The following C1QL2 variants were observed in gnomAD, a reference collection of about 807,000 sequenced individuals.
The protein encoded by C1QL2 is complement C1q-like protein 2.
C1QL2 carries 13 observed loss-of-function variants against 16.6 expected under a neutral mutation model. The ratio of observed to expected loss-of-function variants is 0.78; its 90% CI spans 0.51 to 1.25. The LOEUF (loss-of-function observed/expected upper bound fraction) is 1.25, where lower values mean the gene tolerates loss of function less well. Among genes scored for constraint, C1QL2 ranks in the 50% most tolerant of loss-of-function variants. The probability of loss-of-function intolerance (pLI) is 0.00; values close to 1 mark genes in which losing one functional copy is unlikely to be tolerated. For synonymous variants in C1QL2, 210 were observed against 183.2 expected (o/e 1.15, Z -1.18); for missense variants, 396 against 409.6 (o/e 0.97, Z 0.29).
rs1020198771 is a variant in C1QL2 at position 119,158,206 on chromosome 2, G to A, written c.64C>T (p.His22Tyr). 1 of 1,575,734 alleles carries A rather than the reference G, an allele frequency of 6.3e-7. No individual in the cohort carries two copies. Among genetic ancestry groups the A allele is most frequent in the Admixed American group, 1.8e-5 (1 of 55,890 alleles). Reference sequence around the variant, plus strand: ...CGGCAGGTGCCCATCATCTCATAGTGCGCGGCGCCTCGGGGCGCCGCCTGC... The same window carrying A: ...CGGCAGGTGCCCATCATCTCATAGTACGCGGCGCCTCGGGGCGCCGCCTGC... Reference protein sequence around the residue: ...LLQAAPRGAAHYEMMGTCRMI... With the variant: ...LLQAAPRGAAYYEMMGTCRMI... Residue 22 changes from histidine to tyrosine, a missense_variant, in exon 1 of 2, where the codon CAC becomes TAC. His to Tyr is a moderately conservative substitution (Grantham distance 83). Transcript: ENST00000272520.
rs1205266410 is a variant in C1QL2 at position 119,157,535 on chromosome 2, C to G, written c.684+51G>C. 3.9e-6 allele frequency: 6 copies of G among 1,550,156 alleles called. No homozygotes were observed. In the African/African-American group the frequency reaches 9.9e-5, roughly 26 times the overall value. ...AAGGAGGCTGGTTCCCTGGGAGGTT[C>G]AGGGCGCGGGCGAGGGTTTACGGGG... On this transcript the variant is annotated intron_variant, in intron 1 of 1. Coordinates refer to ENST00000272520, the MANE Select transcript of C1QL2 (RefSeq NM_182528.4).
rs908669060 is a variant in C1QL2 at position 119,156,559 on chromosome 2, C to T, written c.*243G>A. ...GTTTGCAAAGTCTGTGCCGCCGCCT[C>T]AAGGGCTCGGGCGTCCCTTCCTCCC... is the stretch of plus-strand genomic sequence containing the variant. On this transcript the variant is annotated 3_prime_UTR_variant, in exon 2 of 2. Coordinates refer to ENST00000272520, the MANE Select transcript of C1QL2 (RefSeq NM_182528.4). 17 of 488,266 alleles carry T rather than the reference C, an allele frequency of 3.5e-5. No homozygotes were observed. The East Asian group carries it at 6.1e-4, about 18-fold the overall frequency. The allele number at this position is 488,266 out of a possible 1,614,324, so 30.2% of individuals were successfully genotyped here.
At position 119,157,605 on chromosome 2, in the gene C1QL2, T is replaced by C. The variant is rs1677983751; in HGVS notation, c.665A>G (p.Asp222Gly). 6.2e-7 allele frequency: 1 copy of C among 1,613,872 alleles called. No individual in the cohort carries two copies. The change falls in exon 1 of 2, where the codon GAC becomes GGC. Residue 222 changes from aspartate (D) to glycine (G), a missense_variant. Coordinates refer to ENST00000272520, the MANE Select transcript of C1QL2 (RefSeq NM_182528.4). ...ACTGACCTGCCCGTTCTTGCAGAGGTCCGCCCACATGCTGGTGCCGTCGCC... is the reference window on the plus strand; with the variant it reads ...ACTGACCTGCCCGTTCTTGCAGAGGCCCGCCCACATGCTGGTGCCGTCGCC... Reference protein sequence around the residue: ...RGGDGTSMWADLCKNGQVRAS... With the variant: ...RGGDGTSMWAGLCKNGQVRAS...
chr2:119,158,343 A>C lies in C1QL2; in HGVS notation c.-74T>G. On this transcript the variant is annotated 5_prime_UTR_variant, in exon 1 of 2. Coordinates refer to ENST00000272520, the MANE Select transcript of C1QL2 (RefSeq NM_182528.4). ...CCACAGCCGGGAGGCGACCGCCACCAGCTCCTCCTTGCCGCCCGGGGAGGT... is the reference window on the plus strand; with the variant it reads ...CCACAGCCGGGAGGCGACCGCCACCCGCTCCTCCTTGCCGCCCGGGGAGGT... The C allele has an allele frequency of 8.1e-7, 1 of 1,240,892 alleles. No homozygotes were observed. Among genetic ancestry groups the C allele is most frequent in the Non-Finnish European group, 1.0e-6 (1 of 979,208 alleles). The allele number at this position is 1,240,892 out of a possible 1,614,324, so 76.9% of individuals were successfully genotyped here. A position where few individuals can be genotyped will look rare whatever the true frequency, so the allele number is the denominator to read the frequency against.
intron 1 of C1QL2, 108 bp downstream of exon 1, chr2:119,157,478 G>T: frequency 7.4e-7 from 1 of 1,352,484 alleles, no homozygotes. Flanking sequence ...GTTCATTCCC[G>T]GGGCTCGCAG....
In C1QL2 at chr2:119,157,823, C is replaced by A. The variant is rs770465469; in HGVS notation, c.447G>T (p.Ala149=). Residue 149 remains alanine, a synonymous_variant, in exon 1 of 2, where the codon GCG becomes GCT. Coordinates refer to ENST00000272520, the MANE Select transcript of C1QL2 (RefSeq NM_182528.4). ...TGGGGCCGCTGAAGGTGGCGCTCAG[C>A]GCACTGGTCACTTCACCCTCGGAAT... The part of the protein sequence containing the change: ...GGDSEGEVTS[A]LSATFSGPKI... 6 of 1,594,446 alleles carry A rather than the reference C, an allele frequency of 3.8e-6. No homozygotes were observed. In the South Asian group the frequency reaches 4.5e-5, roughly 12 times the overall value.
rs1029462482 is a variant in C1QL2, at chr2:119,158,357, G to T, written c.-88C>A. 88 of 1,156,716 alleles carry T rather than the reference G, an allele frequency of 7.6e-5. No individual in the cohort carries two copies. The highest frequency in any genetic ancestry group is 9.5e-5 in the Non-Finnish European group (86 of 908,100). The allele number at this position is 1,156,716 out of a possible 1,614,324, so 71.7% of individuals were successfully genotyped here. ...CGACCGCCACCAGCTCCTCCTTGCC[G>T]CCCGGGGAGGTAATGGTGGGGCGGC... is the stretch of plus-strand genomic sequence containing the variant. On this transcript the variant is annotated 5_prime_UTR_variant, in exon 1 of 2. Transcript: ENST00000272520.
rs1448537203 is a variant in C1QL2, at chr2:119,158,483, G to A, written c.-214C>T. 4 of 311,578 alleles carry A rather than the reference G, an allele frequency of 1.3e-5. No individual in the cohort carries two copies. Among genetic ancestry groups the A allele is most frequent in the Non-Finnish European group, 2.3e-5 (4 of 173,846 alleles). 19.3% of individuals were successfully genotyped at this position (311,578 alleles called of 1,614,324 possible). A position where few individuals can be genotyped will look rare whatever the true frequency, so the allele number is the denominator to read the frequency against. On this transcript the variant is annotated 5_prime_UTR_variant, in exon 1 of 2. Transcript: ENST00000272520. ...GCCCCGGCTACCCAACTACTTCAGC[G>A]AGAGGCGCCGGGACCTCTGAGCCTG...
chr2:119,156,911 T>G lies in C1QL2; in HGVS notation c.755A>C (p.His252Pro), dbSNP rs527688201. 1.4e-5 allele frequency: 23 copies of G among 1,614,062 alleles called. No homozygotes were observed. In the South Asian group the frequency reaches 2.4e-4, roughly 17 times the overall value. ...ATACACTTCGTCCCCTGAATCCAAG[T>G]GCAGCACCACGCTGTTACTGGCGTA... is the stretch of plus-strand genomic sequence containing the variant. ...YDYASNSVVLHLDSGDEVYVK... is the reference protein window; with the variant it reads ...YDYASNSVVLPLDSGDEVYVK... Residue 252 changes from histidine (H) to proline (P), a missense_variant, in exon 2 of 2, where the codon CAC (histidine) becomes CCC (proline). Transcript: ENST00000272520.
chr2:119,158,001 C>T lies in C1QL2; in HGVS notation c.269G>A (p.Arg90Gln), dbSNP rs1028665125. 6.4e-5 allele frequency: 98 copies of T among 1,521,832 alleles called. 1 individual carries two copies. Among genetic ancestry groups the T allele is most frequent in the Non-Finnish European group, 7.6e-5 (86 of 1,136,754 alleles). The allele number at this position is 1,521,832 out of a possible 1,614,324, so 94.3% of individuals were successfully genotyped here. A position where few individuals can be genotyped will look rare whatever the true frequency, so the allele number is the denominator to read the frequency against. Residue 90 changes from arginine to glutamine, a missense_variant, in exon 1 of 2, where the codon CGG (arginine) becomes CAG (glutamine). Physicochemically the swap from Arg to Gln is conservative, Grantham distance 43 (BLOSUM62 1). Coordinates refer to ENST00000272520, the MANE Select transcript of C1QL2 (RefSeq NM_182528.4). ...CGGGCCCGGCTCTCCAGGGGGCCCC[C>T]GCGGCCCTGGCTTGCCCGGTCGCCC... ...DPGRPGKPGP[R>Q]GPPGEPGPPG...
In C1QL2 at chr2:119,157,996, G is replaced by GC; in HGVS notation, c.273dup (p.Pro92AlafsTer54). 6.6e-7 allele frequency: 1 copy of GC among 1,520,612 alleles called. No homozygotes were observed. Among genetic ancestry groups the GC allele is most frequent in the African/African-American group, 1.4e-5 (1 of 68,970 alleles). 94.2% of individuals were successfully genotyped at this position (1,520,612 alleles called of 1,614,324 possible). On this transcript the variant is annotated frameshift_variant, in exon 1 of 2. Coordinates refer to ENST00000272520, the MANE Select transcript of C1QL2 (RefSeq NM_182528.4). LOFTEE classifies it high-confidence loss of function. Reference sequence around the variant, plus strand: ...CCAGGCGGGCCCGGCTCTCCAGGGGGCCCCCGCGGCCCTGGCTTGCCCGGT... The same window carrying GC: ...CCAGGCGGGCCCGGCTCTCCAGGGGGCCCCCCGCGGCCCTGGCTTGCCCGGT...
chr2:119,158,625 T>G lies in C1QL2; in HGVS notation c.-356A>C. On this transcript the variant is annotated 5_prime_UTR_variant, in exon 1 of 2. Transcript: ENST00000272520. ...GGCGCCGGCCAGGGAGTGCTTGCGC[T>G]GGCCGGGGAGTCTGCTTGCGGCGTC... The G allele has an allele frequency of 6.3e-6, 1 of 159,246 alleles. No individual in the cohort carries two copies. Among genetic ancestry groups the G allele is most frequent in the Non-Finnish European group, 1.4e-5 (1 of 72,640 alleles). The allele number at this position is 159,246 out of a possible 1,614,324, so 9.9% of individuals were successfully genotyped here.
rs1046429623 is a variant in C1QL2, at chr2:119,156,588, C to A, written c.*214G>T. On this transcript the variant is annotated 3_prime_UTR_variant, in exon 2 of 2. Transcript: ENST00000272520. ...GGCTCGGGCGTCCCTTCCTCCCTTGCCGGGATGGGGATGGAGACCAGGAGC... is the reference window on the plus strand; with the variant it reads ...GGCTCGGGCGTCCCTTCCTCCCTTGACGGGATGGGGATGGAGACCAGGAGC... 1.6e-5 allele frequency: 9 copies of A among 572,320 alleles called. No individual in the cohort carries two copies. The highest frequency in any genetic ancestry group is 2.0e-5 in the Non-Finnish European group (7 of 342,650). 35.5% of individuals were successfully genotyped at this position (572,320 alleles called of 1,614,324 possible).
In C1QL2 at chr2:119,156,602, G is replaced by A; in HGVS notation, c.*200C>T. ...TTCCTCCCTTGCCGGGATGGGGATG[G>A]AGACCAGGAGCACAGCCCTGAGCGT... On this transcript the variant is annotated 3_prime_UTR_variant, in exon 2 of 2. Coordinates refer to ENST00000272520, the MANE Select transcript of C1QL2 (RefSeq NM_182528.4). 1.6e-6 allele frequency: 1 copy of A among 613,268 alleles called. No homozygotes were observed. The highest frequency in any genetic ancestry group is 2.7e-6 in the Non-Finnish European group (1 of 374,394). 38.0% of individuals were successfully genotyped at this position (613,268 alleles called of 1,614,324 possible). A position where few individuals can be genotyped will look rare whatever the true frequency, so the allele number is the denominator to read the frequency against.
In C1QL2 at chr2:119,157,606, C is replaced by G; in HGVS notation, c.664G>C (p.Asp222His). The G allele has an allele frequency of 1.2e-6, 2 of 1,614,122 alleles. No individual in the cohort carries two copies. The highest frequency in any genetic ancestry group is 1.7e-6 in the Non-Finnish European group (2 of 1,180,022). The change falls in exon 1 of 2, where the codon GAC becomes CAC. Residue 222 changes from aspartate (D) to histidine (H), a missense_variant. By Grantham distance (81) the Asp-to-His change is moderately conservative (BLOSUM62 -1). Transcript: ENST00000272520. Reference sequence around the variant, plus strand: ...CTGACCTGCCCGTTCTTGCAGAGGTCCGCCCACATGCTGGTGCCGTCGCCG... The same window carrying G: ...CTGACCTGCCCGTTCTTGCAGAGGTGCGCCCACATGCTGGTGCCGTCGCCG... ...RGGDGTSMWA[D>H]LCKNGQVRAS...
rs1456067436 is a variant in C1QL2, at chr2:119,158,285, G to C, written c.-16C>G. 1.4e-6 allele frequency: 2 copies of C among 1,406,650 alleles called. No homozygotes were observed. The highest frequency in any genetic ancestry group is 3.0e-5 in the African/African-American group (2 of 66,358). 87.1% of individuals were successfully genotyped at this position (1,406,650 alleles called of 1,614,324 possible). A position where few individuals can be genotyped will look rare whatever the true frequency, so the allele number is the denominator to read the frequency against. ...CGAGCGCCATGGCCAAGAGTACGCC[G>C]ACGGCCGCCAGGCAGGCACGCCGCC... On this transcript the variant is annotated 5_prime_UTR_variant, in exon 1 of 2. Transcript: ENST00000272520.
chr2:119,157,017 A>G lies in C1QL2; in HGVS notation c.685-36T>C, dbSNP rs769579967. 1.4e-5 allele frequency: 22 copies of G among 1,605,204 alleles called. No individual in the cohort carries two copies. The East Asian group carries it at 4.2e-4, about 31-fold the overall frequency. On this transcript the variant is annotated intron_variant, in intron 1 of 1. Coordinates refer to ENST00000272520, the MANE Select transcript of C1QL2 (RefSeq NM_182528.4). ...GCGGTGGGAGCAGGTGAGCCGGGGC[A>G]CCTCTTCCCGCGCCTTTGCTCAGCC...
chr2:119,157,011 CG>C, intron 1 of C1QL2, 30 bp from the exon 2 acceptor site: 1 of 1,608,460 alleles, frequency 6.2e-7, no homozygotes, highest in African/African-American at 1.3e-5. Context: ...GCAGGTGAGC[CG>C]GGGCACCTCT....
At position 119,158,135 on chromosome 2, in the gene C1QL2, C is replaced by T. The variant is rs1175932425; in HGVS notation, c.135G>A (p.Pro45=). The part of the protein sequence containing the change: ...PYTAAPGGEP[P]GAKAQPPGPS... ...GTCCGGGTGGCTGCGCCTTTGCACCCGGGGGCTCCCCGCCGGGCGCGGCAG... is the reference window on the plus strand; with the variant it reads ...GTCCGGGTGGCTGCGCCTTTGCACCTGGGGGCTCCCCGCCGGGCGCGGCAG... The change falls in exon 1 of 2, where the codon CCG becomes CCA. Residue 45 remains proline (P), a synonymous_variant. Coordinates refer to ENST00000272520, the MANE Select transcript of C1QL2 (RefSeq NM_182528.4). The T allele has an allele frequency of 6.4e-6, 10 of 1,554,424 alleles. No homozygotes were observed. The highest frequency in any genetic ancestry group is 3.9e-5 in the Admixed American group (2 of 51,864).
Sources: gnomAD v4.1 joint callset for allele counts on GRCh38, gnomAD v4.1.1 for gene constraint, MANE v1.5 for transcripts, NCBI Gene and HGNC (gene_info 2026-07-23, HGNC 2026-07-21) for gene names.